The following WDFY4 variants were observed in gnomAD, a reference collection of about 807,000 sequenced individuals.
WDFY4 encodes the protein WDFY family member 4.
In WDFY4, 169 loss-of-function variants were observed where a neutral mutation model predicts 351.9. The ratio of observed to expected loss-of-function variants is 0.48; its 90% CI spans 0.42 to 0.55. The LOEUF (loss-of-function observed/expected upper bound fraction) is 0.55, where lower values mean the gene tolerates loss of function less well. WDFY4 is among the 20% of genes least tolerant of loss of function. WDFY4 has a pLI of 0.00. For synonymous variants in WDFY4, 1,622 were observed against 1,574.6 expected (o/e 1.03, Z -0.71); for missense variants, 3,803 against 3,935.6 (o/e 0.97, Z 0.90).
chr10:48,814,306 A>G (rs536689993), intron 31 of WDFY4, among the ~76,000 whole-genome samples: 1 of 152,302 alleles, frequency 6.6e-6, no homozygotes, highest in Non-Finnish European at 1.5e-5. Flanking sequence ...ATACCTGTTT[A>G]TCATTTGTTT....
intron 13 of WDFY4, among the ~76,000 whole-genome samples, chr10:48,762,012 C>G (rs1399128453): frequency 6.6e-6 from 1 of 152,206 alleles, no homozygotes; most frequent in East Asian, 1.9e-4. Flanking sequence ...TCCTGGTCTT[C>G]CCTATACATA....
At chr10:48,960,963 T>C (rs1233889679) in intron 53 of WDFY4, among the ~76,000 whole-genome samples, 1 of 152,238 alleles carries the variant, frequency 6.6e-6, no homozygotes, top group Non-Finnish European at 1.5e-5. Flanking sequence ...GGGGGACTTT[T>C]TGAGCCGAGG....
chr10:48,822,247 A>C, intron 34 of WDFY4, 133 bp from the exon 35 acceptor site: 1 of 1,006,524 alleles, frequency 9.9e-7, no homozygotes, highest in South Asian at 2.5e-5. Flanking sequence ...TCGTCAGTAC[A>C]AGACTCCATC....
chr10:48,794,236 G>A (rs1297901872), intron 23 of WDFY4, among the ~76,000 whole-genome samples: 2 of 152,166 alleles, frequency 1.3e-5, no homozygotes, highest in Non-Finnish European at 2.9e-5. Flanking sequence ...GAGGCATGGG[G>A]ATGAGGTTCA....
chr10:48,824,146 A>G, intron 35 of WDFY4: 1 of 985,424 alleles, frequency 1.0e-6, no homozygotes, highest in African/African-American at 1.7e-5. Flanking sequence ...TTTGAATTAA[A>G]ATCTTCTGGA....
chr10:48,713,332 C>G (rs901090234), intron 2 of WDFY4, among the ~76,000 whole-genome samples: 3 of 152,222 alleles, frequency 2.0e-5, no homozygotes, highest in Non-Finnish European at 4.4e-5. Flanking sequence ...TCTTTGGCAT[C>G]TTCTTCCCAG....
At chr10:48,726,557 G>T (rs2064274861) in intron 6 of WDFY4, among the ~76,000 whole-genome samples, 1 of 152,196 alleles carries the variant, frequency 6.6e-6, no homozygotes, top group Non-Finnish European at 1.5e-5. Flanking sequence ...ATGTGTAGGG[G>T]TTAAGGCCAA....
At chr10:48,936,250 C>T (rs1459431232) in intron 47 of WDFY4, among the ~76,000 whole-genome samples, 1 of 151,940 alleles carries the variant, frequency 6.6e-6, no homozygotes, top group South Asian at 2.1e-4. Context: ...TTTTTTAATA[C>T]ATAAACATTA....
At chr10:48,810,252 G>A (rs1423922567) in intron 28 of WDFY4, among the ~76,000 whole-genome samples, 1 of 152,156 alleles carries the variant, frequency 6.6e-6, no homozygotes, top group African/African-American at 2.4e-5. Flanking sequence ...CTATTAAGGG[G>A]CATGCGCATT....
intron 47 of WDFY4, among the ~76,000 whole-genome samples, chr10:48,910,718 T>C (rs1175589218): frequency 6.6e-6 from 1 of 152,112 alleles, no homozygotes; most frequent in African/African-American, 2.4e-5. Context: ...CTTCCTGAGA[T>C]GTGTGATAAG....
chr10:48,719,924 G>A, intron 2 of WDFY4, 87 bp from the exon 3 acceptor site: 4 of 1,214,430 alleles, frequency 3.3e-6, no homozygotes, highest in Non-Finnish European at 4.7e-6. Context: ...CTGTCAGCTT[G>A]GGCTGGTGAA....
At chr10:48,853,972 A>C (rs2069044550) in intron 39 of WDFY4, among the ~76,000 whole-genome samples, 1 of 152,240 alleles carries the variant, frequency 6.6e-6, no homozygotes, top group Admixed American at 6.5e-5. Flanking sequence ...TGGAATGGAG[A>C]TTCTGAGCCA....
At chr10:48,930,967 G>T (rs1312518739) in intron 47 of WDFY4, among the ~76,000 whole-genome samples, 1 of 151,992 alleles carries the variant, frequency 6.6e-6, no homozygotes, top group Admixed American at 6.6e-5. Flanking sequence ...CTGAAGGGAC[G>T]GTACTGGACT....
intron 2 of WDFY4, 148 bp from the exon 3 acceptor site, chr10:48,719,863 A>G (rs923730846): frequency 1.2e-4 from 79 of 651,472 alleles, no homozygotes; most frequent in Middle Eastern, 2.9e-4. Context: ...TGAGGCTGTG[A>G]GGGTGGGTGA....
chr10:48,725,842 A>G, intron 5 of WDFY4, 39 bp from the exon 6 acceptor site: 2 of 1,509,894 alleles, frequency 1.3e-6, no homozygotes, highest in Non-Finnish European at 1.8e-6. Flanking sequence ...GAGACTTCCT[A>G]ACCAGGTCTC....
At position 48,849,473 on chromosome 10, in the gene WDFY4, T is replaced by C. The variant is rs190727315; in HGVS notation, c.6663+16764T>C. On this transcript the variant is annotated intron_variant, in intron 39 of 61. Transcript: ENST00000325239. ...CAGACAAGACTTACCCCCAAAATTA[T>C]TGTTTTTAAACAGGAGAATTACATT... 2.7e-3 allele frequency among the ~76,000 whole-genome samples: 405 copies of C among 152,306 alleles called. 3 individuals are homozygous for C. Among genetic ancestry groups the C allele is most frequent in the Non-Finnish European group, 2.7e-3 (184 of 68,030 alleles).
intron 12 of WDFY4, among the ~76,000 whole-genome samples, chr10:48,755,458 A>G (rs1479137295): frequency 6.6e-6 from 1 of 152,166 alleles, no homozygotes; most frequent in Admixed American, 6.5e-5. Context: ...ACGGCCATGA[A>G]GATTTTCTCC....
chr10:48,754,879 G>A (rs1343474661), intron 12 of WDFY4, among the ~76,000 whole-genome samples: 1 of 152,168 alleles, frequency 6.6e-6, no homozygotes, highest in Non-Finnish European at 1.5e-5. Flanking sequence ...AACATGGGCA[G>A]GGTGTTGGAA....
intron 44 of WDFY4, among the ~76,000 whole-genome samples, chr10:48,892,673 T>C (rs1323300430): frequency 6.6e-6 from 1 of 152,192 alleles, no homozygotes; most frequent in East Asian, 1.9e-4. Context: ...ATAAACTTGT[T>C]AAAAATAAAG....
Sources: gnomAD v4.1 joint callset for allele counts (sites outside exome capture counted in the v4.1 genomes callset) on GRCh38, gnomAD v4.1.1 for gene constraint, MANE v1.5 for transcripts, NCBI Gene and HGNC (gene_info 2026-07-23, HGNC 2026-07-21) for gene names.